Variants in DIS3 observed in about 807,000 individuals in gnomAD.
DIS3 encodes the protein exosome complex exonuclease RRP44.
In DIS3, 103 loss-of-function variants were observed where a neutral mutation model predicts 113.0. That is an observed-to-expected ratio of 0.91 (90% CI 0.78 to 1.07). DIS3 has a LOEUF of 1.07. Among genes scored for constraint, DIS3 ranks in the 50% least tolerant of loss-of-function variants. The pLI, the probability that DIS3 is intolerant of heterozygous loss-of-function variation, is 0.00. For synonymous variants in DIS3, 402 were observed against 394.3 expected, an observed-to-expected ratio of 1.02 and a Z score of -0.23; for missense variants, 1,121 against 1,167.1, an observed-to-expected ratio of 0.96 and a Z score of 0.58.
At chr13:72,774,187 G>C in intron 6 of DIS3, 128 bp from the exon 7 acceptor site, 2 of 561,848 alleles carry the variant, frequency 3.6e-6, no homozygotes, top group South Asian at 5.6e-5. Context: ...TAAGACTACA[G>C]AATGTTGATG....
rs370514061 is a variant in DIS3 at position 72,774,102 on chromosome 13, T to C, written c.988-43A>G. 20 of 1,352,752 alleles carry C rather than the reference T, an allele frequency of 1.5e-5. No individual in the cohort carries two copies. The African/African-American group carries it at 2.9e-4, about 20-fold the overall frequency. The allele number at this position is 1,352,752 out of a possible 1,614,324, so 83.8% of individuals were successfully genotyped here. Reference sequence around the variant, plus strand: ...AAATGTTCAGTTATATTCCTCTAAGTATTATCAGGCAATTTCCTTTCAAAA... The same window carrying C: ...AAATGTTCAGTTATATTCCTCTAAGCATTATCAGGCAATTTCCTTTCAAAA... On this transcript the variant is annotated intron_variant, in intron 6 of 20. Transcript: ENST00000377767.
At chr13:72,771,188 CCA>C in intron 11 of DIS3, 43 bp from the exon 12 acceptor site, 1 of 1,498,846 alleles carries the variant, frequency 6.7e-7, no homozygotes, top group Non-Finnish European at 9.2e-7. Context: ...TTAGCCATAA[CCA>C]TACATTTATG....
intron 11 of DIS3, among the ~76,000 whole-genome samples, 177 bp from the exon 12 acceptor site, chr13:72,771,322 C>T (rs1333459903): frequency 6.6e-6 from 1 of 152,084 alleles, no homozygotes; most frequent in Non-Finnish European, 1.5e-5. Flanking sequence ...AGCACTTATA[C>T]AAAATTGTTA....
chr13:72,768,516 G>C (rs370852244), intron 14 of DIS3, among the ~76,000 whole-genome samples: 1 of 152,148 alleles, frequency 6.6e-6, no homozygotes, highest in Non-Finnish European at 1.5e-5. Flanking sequence ...TGGGCGTGGT[G>C]GTGGGCACCT....
chr13:72,781,838 C>A lies in DIS3; in HGVS notation c.-6G>T. ...AACGTCTTGGACTTGAGCATCTTGCCTCGCCGCGCAGAATCCTAACCCCAG... is the reference window on the plus strand; with the variant it reads ...AACGTCTTGGACTTGAGCATCTTGCATCGCCGCGCAGAATCCTAACCCCAG... On this transcript the variant is annotated 5_prime_UTR_variant, in exon 1 of 21. It adds an upstream start codon to the 5' untranslated region. Transcript: ENST00000377767. 1 of 1,572,962 alleles carries A rather than the reference C, an allele frequency of 6.4e-7. No homozygotes were observed. Among genetic ancestry groups the A allele is most frequent in the South Asian group, 1.2e-5 (1 of 86,780 alleles).
chr13:72,760,092 A>T (rs2033588126), intron 20 of DIS3, among the ~76,000 whole-genome samples: 1 of 152,196 alleles, frequency 6.6e-6, no homozygotes, highest in South Asian at 2.1e-4. Context: ...TCAACAGGTG[A>T]GAAGCATGTC....
intron 4 of DIS3, 29 bp from the exon 5 acceptor site, chr13:72,776,121 G>A (rs569632994): frequency 9.6e-6 from 15 of 1,566,864 alleles, no homozygotes; most frequent in East Asian, 6.8e-5. Flanking sequence ...AAAAGATGCC[G>A]CTAATAAGTC....
chr13:72,777,346 GGT>G, intron 4 of DIS3, 72 bp downstream of exon 4: 4 of 1,423,630 alleles, frequency 2.8e-6, no homozygotes, highest in Non-Finnish European at 3.9e-6. Flanking sequence ...TTTTAAATTT[GGT>G]AACTATATGC....
rs2033510004 is a variant in DIS3 at position 72,757,415 on chromosome 13, TTTC to T, written c.*2377_*2379del. On this transcript the variant is annotated 3_prime_UTR_variant, in exon 21 of 21. Coordinates refer to ENST00000377767, the MANE Select transcript of DIS3 (RefSeq NM_014953.5). ...GCACTTGCCACCACACCTGGCTAAT[TTTC>T]TTTTCTTTTTTTTTTTTTTTTTTTG... 7.4e-6 allele frequency: 1 copy of T among 134,638 alleles called. No individual in the cohort carries two copies. Among genetic ancestry groups the T allele is most frequent in the South Asian group, 2.3e-4 (1 of 4,328 alleles). The allele number at this position is 134,638 out of a possible 1,614,324, so 8.3% of individuals were successfully genotyped here. A position where few individuals can be genotyped will look rare whatever the true frequency, so the allele number is the denominator to read the frequency against.
At chr13:72,760,840 T>C (rs570147642) in intron 19 of DIS3, among the ~76,000 whole-genome samples, 189 bp from the exon 20 acceptor site, 1 of 152,152 alleles carries the variant, frequency 6.6e-6, no homozygotes, top group Non-Finnish European at 1.5e-5. Context: ...GTGCTTACTT[T>C]CTCCTTCATT....
rs765957881 is a variant in DIS3 at position 72,777,400 on chromosome 13, A to G, written c.654+20T>C. On this transcript the variant is annotated intron_variant, in intron 4 of 20. Transcript: ENST00000377767. Reference sequence around the variant, plus strand: ...GCTATTTTAATATTTTTACTTTTCAAAAACAAAACAAAAACATACCCCTTC... The same window carrying G: ...GCTATTTTAATATTTTTACTTTTCAGAAACAAAACAAAAACATACCCCTTC... 5.6e-6 allele frequency: 9 copies of G among 1,612,658 alleles called. No individual in the cohort carries two copies. The highest frequency in any genetic ancestry group is 7.6e-6 in the Non-Finnish European group (9 of 1,179,230).
In DIS3 at chr13:72,753,873, A is replaced by T. The variant is rs2033354393; in HGVS notation, c.*5922T>A. ...AATATTGTTTAGATTAGAAATATAA[A>T]ATAATTTTGATTATTAGACAATAGT... On this transcript the variant is annotated 3_prime_UTR_variant, in exon 21 of 21. Coordinates refer to ENST00000377767, the MANE Select transcript of DIS3 (RefSeq NM_014953.5). 6.7e-6 allele frequency: 10 copies of T among 1,493,726 alleles called. No individual in the cohort carries two copies. Among genetic ancestry groups the T allele is most frequent in the Non-Finnish European group, 9.1e-6 (10 of 1,097,718 alleles). 92.5% of individuals were successfully genotyped at this position (1,493,726 alleles called of 1,614,324 possible).
intron 15 of DIS3, among the ~76,000 whole-genome samples, chr13:72,765,259 G>A (rs893842934): frequency 2.0e-5 from 3 of 152,126 alleles, no homozygotes; most frequent in Non-Finnish European, 4.4e-5. Flanking sequence ...ATAAATTGAG[G>A]CATGGAGAAG....
chr13:72,780,710 C>T, intron 2 of DIS3, 136 bp downstream of exon 2: 2 of 876,098 alleles, frequency 2.3e-6, no homozygotes, highest in Non-Finnish European at 3.4e-6. Flanking sequence ...ATCTTCTGCA[C>T]AGCCATGTAA....
chr13:72,781,759 A>C lies in DIS3; in HGVS notation c.74T>G (p.Leu25Arg). ...CGCACCGCAGCCGATGTCGTCTCGC[A>C]GGTAGTGCTCGCGCACGATCTTCAT... ...GVMKIVREHY[L>R]RDDIGCGAPG... Residue 25 changes from leucine to arginine, a missense_variant, in exon 1 of 21, where the codon CTG becomes CGG. Leu to Arg is a moderately radical substitution (Grantham distance 102). Coordinates refer to ENST00000377767, the MANE Select transcript of DIS3 (RefSeq NM_014953.5). 3 of 1,602,334 alleles carry C rather than the reference A, an allele frequency of 1.9e-6. No individual in the cohort carries two copies. Among genetic ancestry groups the C allele is most frequent in the Non-Finnish European group, 2.6e-6 (3 of 1,174,980 alleles).
At chr13:72,774,162 C>T in intron 6 of DIS3, 103 bp from the exon 7 acceptor site, 1 of 675,480 alleles carries the variant, frequency 1.5e-6, no homozygotes, top group Non-Finnish European at 2.4e-6. Context: ...TCCATTCAGG[C>T]AGTAAATTAT....
intron 9 of DIS3, 32 bp downstream of exon 9, chr13:72,772,654 AATAATTT>A (rs1302171425): frequency 6.4e-7 from 1 of 1,570,956 alleles, no homozygotes; most frequent in Non-Finnish European, 8.6e-7. Context: ...GGCAGGATAT[AATAATTT>A]ATAAAGTCAC....
Position 72,776,065 on chromosome 13 carries a change from ATAT to A in DIS3, c.679_681del (p.Ile227del). 2 of 1,597,150 alleles carry A rather than the reference ATAT, an allele frequency of 1.3e-6. No individual in the cohort carries two copies. Among genetic ancestry groups the A allele is most frequent in the Non-Finnish European group, 1.7e-6 (2 of 1,175,704 alleles). Reference sequence around the variant, plus strand: ...TTACTTAAGGGAAGATGCTCTGAAAATATTATTTTTCCACTTTCTATTTCATTC... The same window carrying A: ...TTACTTAAGGGAAGATGCTCTGAAAATATTTTTCCACTTTCTATTTCATTC... On this transcript the variant is annotated inframe_deletion, in exon 5 of 21. Transcript: ENST00000377767.
Position 72,755,014 on chromosome 13 carries a change from A to T in DIS3, c.*4781T>A. 3.1e-6 allele frequency: 2 copies of T among 645,964 alleles called. No individual in the cohort carries two copies. Among genetic ancestry groups the T allele is most frequent in the South Asian group, 4.1e-5 (2 of 48,786 alleles). The allele number at this position is 645,964 out of a possible 1,614,324, so 40.0% of individuals were successfully genotyped here. ...TTTTTGATGCAGAATATTGATTTAT[A>T]AAATACTGTATCTTTACTGTCCCTT... On this transcript the variant is annotated 3_prime_UTR_variant, in exon 21 of 21. Transcript: ENST00000377767.
Sources: gnomAD v4.1 joint callset for allele counts (sites outside exome capture counted in the v4.1 genomes callset) on GRCh38, gnomAD v4.1.1 for gene constraint, MANE v1.5 for transcripts, NCBI Gene and HGNC (gene_info 2026-07-23, HGNC 2026-07-21) for gene names.